The following ZNF713 variants were observed in gnomAD, a reference collection of about 807,000 sequenced individuals.
The protein encoded by ZNF713 is zinc finger protein 713.
In ZNF713, 21 loss-of-function variants were observed where a neutral mutation model predicts 28.7. The observed-to-expected ratio is 0.73, with a 90% CI of 0.52 to 1.05. ZNF713 has a LOEUF of 1.05. Among genes scored for constraint, ZNF713 ranks in the 50% least tolerant of loss-of-function variants. The probability of loss-of-function intolerance (pLI) is 0.00; values close to 1 mark genes in which losing one functional copy is unlikely to be tolerated. For synonymous variants in ZNF713, 167 were observed against 178.0 expected, an observed-to-expected ratio of 0.94 and a Z score of 0.49; for missense variants, 458 against 532.4, an observed-to-expected ratio of 0.86 and a Z score of 1.37.
At position 55,896,642 on chromosome 7, in the gene ZNF713, G is replaced by A. The variant is rs569831963; in HGVS notation, c.-583+8962G>A. Among the ~76,000 whole-genome samples, 3 of 151,508 alleles carry A rather than the reference G, an allele frequency of 2.0e-5. No homozygotes were observed. In the East Asian group the frequency reaches 5.8e-4, roughly 29 times the overall value. On this transcript the variant is annotated intron_variant, in intron 1 of 6. Transcript: ENST00000429591. ...ACACATAAACACACATAATTGATGT[G>A]TGTATATACATGGTTAGTGTGTATA...
chr7:55,932,540 A>C (rs927288998), intron 6 of ZNF713, among the ~76,000 whole-genome samples: 13 of 151,816 alleles, frequency 8.6e-5, no homozygotes, highest in Non-Finnish European at 1.8e-4. Flanking sequence ...AAAAAAAAAA[A>C]AAATCTAATA....
intron 4 of ZNF713, among the ~76,000 whole-genome samples, chr7:55,919,492 T>TTTTTTTTTTTTTTTTTTTG (rs1785947006): frequency 6.8e-5 from 1 of 14,730 alleles, no homozygotes; most frequent in Non-Finnish European, 1.1e-4. Flanking sequence ...ACACTCCAGT[T>TTTTTTTTTTTTTTTTTTTG]TTTTTTTTTT....
intron 6 of ZNF713, among the ~76,000 whole-genome samples, chr7:55,934,853 G>T (rs1786312450): frequency 1.3e-5 from 2 of 149,844 alleles, no homozygotes; most frequent in Admixed American, 6.6e-5. Flanking sequence ...ATCAAAATGT[G>T]TAGTGTGCAA....
rs746620340 is a variant in ZNF713 at position 55,923,717 on chromosome 7, G to A, written c.307+18G>A. The A allele has an allele frequency of 3.3e-5, 53 of 1,592,266 alleles. 1 individual carries two copies. Among genetic ancestry groups the A allele is most frequent in the South Asian group, 2.8e-4 (25 of 89,490 alleles). On this transcript the variant is annotated intron_variant, in intron 6 of 6. Transcript: ENST00000429591. ...TCATCCAGGTAAGTGCACACTCTTG[G>A]GCACTGCTACTTAATGAGGGAAAAC...
intron 1 of ZNF713, among the ~76,000 whole-genome samples, chr7:55,905,838 T>C (rs1297712200): frequency 2.0e-5 from 3 of 152,066 alleles, no homozygotes; most frequent in Non-Finnish European, 4.4e-5. Context: ...GCGCGGTGGC[T>C]CATGCCTGTA....
intron 6 of ZNF713, chr7:55,924,105 C>G (rs1786049818): frequency 6.5e-6 from 1 of 154,502 alleles, no homozygotes. Context: ...TTTTCCATAT[C>G]AAAAATCTTC....
intron 6 of ZNF713, among the ~76,000 whole-genome samples, chr7:55,931,674 C>T (rs1462732056): frequency 1.3e-5 from 2 of 151,452 alleles, no homozygotes; most frequent in African/African-American, 2.4e-5. Context: ...TTCCTTGTTT[C>T]CTTCCTTCCT....
At position 55,940,768 on chromosome 7, in the gene ZNF713, G is replaced by T. The variant is rs1407094816; in HGVS notation, c.*762G>T. On this transcript the variant is annotated 3_prime_UTR_variant, in exon 7 of 7. Coordinates refer to ENST00000429591, the MANE Select transcript of ZNF713 (RefSeq NM_182633.3). ...AAAAAAAAAAGAAAGAAAGCCTATA[G>T]GCAACAACTTGTAATTACTCACCTG... 5 of 153,600 alleles carry T rather than the reference G, an allele frequency of 3.3e-5. No homozygotes were observed. Among genetic ancestry groups the T allele is most frequent in the Admixed American group, 2.0e-4 (3 of 14,762 alleles). 9.5% of individuals were successfully genotyped at this position (153,600 alleles called of 1,614,324 possible). A position where few individuals can be genotyped will look rare whatever the true frequency, so the allele number is the denominator to read the frequency against.
At chr7:55,936,602 C>G (rs1285320515) in intron 6 of ZNF713, among the ~76,000 whole-genome samples, 1 of 152,158 alleles carries the variant, frequency 6.6e-6, no homozygotes, top group Non-Finnish European at 1.5e-5. Flanking sequence ...TCTAAGAATG[C>G]TGAAGCTGAC....
At chr7:55,937,137 A>G (rs1786369094) in intron 6 of ZNF713, among the ~76,000 whole-genome samples, 1 of 152,058 alleles carries the variant, frequency 6.6e-6, no homozygotes, top group Non-Finnish European at 1.5e-5. Context: ...TGTCTCTACT[A>G]AAAATACAAA....
At chr7:55,893,076 G>A (rs1562734230) in intron 1 of ZNF713, among the ~76,000 whole-genome samples, 2 of 151,834 alleles carry the variant, frequency 1.3e-5, no homozygotes, top group South Asian at 4.2e-4. Flanking sequence ...GTAGAGACGG[G>A]GTTTCACCGT....
intron 6 of ZNF713, among the ~76,000 whole-genome samples, chr7:55,937,026 C>T (rs1786364512): frequency 6.6e-6 from 1 of 152,090 alleles, no homozygotes; most frequent in African/African-American, 2.4e-5. Flanking sequence ...GGGCTGGGTG[C>T]GGTGGCTCAT....
intron 3 of ZNF713, among the ~76,000 whole-genome samples, chr7:55,912,342 T>C (rs1049540980): frequency 1.3e-5 from 2 of 152,226 alleles, no homozygotes; most frequent in Non-Finnish European, 2.9e-5. Flanking sequence ...TCTCTGAGTG[T>C]AGGGGCTGAA....
intron 1 of ZNF713, among the ~76,000 whole-genome samples, chr7:55,904,607 G>A (rs535090793): frequency 1.3e-5 from 2 of 151,986 alleles, no homozygotes; most frequent in African/African-American, 2.4e-5. Flanking sequence ...TGAGAAATGG[G>A]CGATGAGGAA....
intron 3 of ZNF713, 124 bp from the exon 4 acceptor site, chr7:55,912,511 C>T: frequency 1.5e-6 from 1 of 654,154 alleles, no homozygotes; most frequent in South Asian, 2.0e-5. Context: ...GACGTCACAA[C>T]CTTTAGGCTT....
At position 55,923,251 on chromosome 7, in the gene ZNF713, C is replaced by T. The variant is rs147455939; in HGVS notation, c.177C>T (p.Asp59=). 4.3e-5 allele frequency: 70 copies of T among 1,613,608 alleles called. No homozygotes were observed. Among genetic ancestry groups the T allele is most frequent in the African/African-American group, 4.1e-4 (31 of 74,992 alleles). ...LYPAQKNLYR[D]VMLENYRNLV... is the part of the protein sequence containing the mutation. ...CTGCCCAAAAGAACCTCTATCGAGA[C>T]GTGATGCTGGAGAACTACAGGAATC... The change falls in exon 5 of 7, where the codon GAC becomes GAT. Residue 59 remains aspartate (D), a synonymous_variant. Transcript: ENST00000429591.
chr7:55,927,403 GTC>G (rs764470904), intron 6 of ZNF713, among the ~76,000 whole-genome samples: 1 of 151,376 alleles, frequency 6.6e-6, no homozygotes, highest in African/African-American at 2.4e-5. Context: ...TGAGCCTGTA[GTC>G]TCTGCTACTT....
In ZNF713 at chr7:55,887,862, GGGCGGCGGC is replaced by G. The variant is rs1228586478; in HGVS notation, c.-583+200_-583+208del. On this transcript the variant is annotated intron_variant, in intron 1 of 6. Transcript: ENST00000429591. The stretch of plus-strand genomic sequence containing the variant: ...GCGGGCGGCGGCGGCGGCGGGCGGC[GGGCGGCGGC>G]GGCGGCGGCGGCGGCGGGCGGCGGC... Among the ~76,000 whole-genome samples the G allele has an allele frequency of 2.2e-3, 29 of 13,410 alleles. 7 individuals are homozygous for G. Among genetic ancestry groups the G allele is most frequent in the East Asian group, 4.1e-3 (1 of 244 alleles). The allele number at this position is 13,410 out of a possible 152,430, so 8.8% of individuals were successfully genotyped here. A position where few individuals can be genotyped will look rare whatever the true frequency, so the allele number is the denominator to read the frequency against.
At chr7:55,932,890 C>CA (rs61092452) in intron 6 of ZNF713, among the ~76,000 whole-genome samples, 1,758 of 47,756 alleles carry the variant, frequency 0.037, 156 homozygotes, top group African/African-American at 0.098. Flanking sequence ...GACTCCGTCT[C>CA]AAAAAAAAAA....
Sources: gnomAD v4.1 joint callset for allele counts (sites outside exome capture counted in the v4.1 genomes callset) on GRCh38, gnomAD v4.1.1 for gene constraint, MANE v1.5 for transcripts, NCBI Gene and HGNC (gene_info 2026-07-23, HGNC 2026-07-21) for gene names.